MARF1: variants seen among roughly 807,000 people sequenced by gnomAD.
The protein encoded by MARF1 is meiosis regulator and mRNA stability factor 1.
Under a neutral mutation model 168.2 loss-of-function variants are expected in MARF1, and 24 were observed. The ratio of observed to expected loss-of-function variants is 0.14; its 90% CI spans 0.10 to 0.20. The LOEUF (loss-of-function observed/expected upper bound fraction) is 0.20, where lower values mean the gene tolerates loss of function less well. MARF1 is among the 10% of genes least tolerant of loss of function. The probability of loss-of-function intolerance (pLI) is 1.00; values close to 1 mark genes in which losing one functional copy is unlikely to be tolerated. For missense variants in MARF1, 1,744 were observed against 2,143.6 expected (o/e 0.81, Z 3.68); for synonymous variants, 868 against 822.4 (o/e 1.06, Z -0.95).
intron 7 of MARF1, among the ~76,000 whole-genome samples, chr16:15,626,172 CTA>C (rs562465266): frequency 3.6e-4 from 55 of 152,228 alleles, no homozygotes; most frequent in African/African-American, 1.3e-3. Flanking sequence ...GGTCTGTATA[CTA>C]TATGATTCCA....
intron 1 of MARF1, among the ~76,000 whole-genome samples, chr16:15,641,419 G>A (rs1448125471): frequency 6.6e-6 from 1 of 152,192 alleles, no homozygotes; most frequent in Non-Finnish European, 1.5e-5. Context: ...AAGAATCTGT[G>A]ATATTCACAG....
intron 26 of MARF1, 126 bp downstream of exon 26, chr16:15,598,728 G>C: frequency 1.1e-6 from 1 of 932,914 alleles, no homozygotes; most frequent in South Asian, 1.6e-5. Context: ...CGAATAATCA[G>C]CACAGTGTTT....
intron 1 of MARF1, 85 bp downstream of exon 1, chr16:15,642,933 G>A (rs1338690626): frequency 1.1e-5 from 2 of 187,004 alleles, no homozygotes; most frequent in East Asian, 1.9e-4. Context: ...GGCGGGGAAA[G>A]AGGGGACACT....
chr16:15,614,213 T>C (rs2033841088), intron 16 of MARF1, among the ~76,000 whole-genome samples: 1 of 152,166 alleles, frequency 6.6e-6, no homozygotes, highest in East Asian at 1.9e-4. Context: ...CCAGGTGCGG[T>C]GGCTCACGTC....
intron 20 of MARF1, among the ~76,000 whole-genome samples, chr16:15,609,073 T>C (rs1015992477): frequency 1.3e-5 from 2 of 152,142 alleles, no homozygotes; most frequent in African/African-American, 4.8e-5. Flanking sequence ...ACACCATCTC[T>C]ACTAAAAATA....
In MARF1 at chr16:15,635,741, T is replaced by C. The variant is rs764544538; in HGVS notation, c.746A>G (p.His249Arg). ...EHISQSELTP[H>R]LCTNSLHLNV... is the part of the protein sequence containing the mutation. Reference sequence around the variant, plus strand: ...AAGGTGCAAAGAGTTGGTGCACAAGTGAGGCGTTAGCTCCGACTGTGAAAT... The same window carrying C: ...AAGGTGCAAAGAGTTGGTGCACAAGCGAGGCGTTAGCTCCGACTGTGAAAT... The change falls in exon 3 of 27, where the codon CAC (histidine) becomes CGC (arginine). Residue 249 changes from histidine to arginine, a missense_variant. His to Arg is a conservative substitution (Grantham distance 29). Transcript: ENST00000396368. 9 of 1,614,198 alleles carry C rather than the reference T, an allele frequency of 5.6e-6. No homozygotes were observed. The highest frequency in any genetic ancestry group is 7.6e-6 in the Non-Finnish European group (9 of 1,180,044).
At chr16:15,617,262 G>C in intron 14 of MARF1, 37 bp downstream of exon 14, 2 of 1,609,884 alleles carry the variant, frequency 1.2e-6, no homozygotes, top group Non-Finnish European at 1.7e-6. Flanking sequence ...CAATCTTATA[G>C]AAAAGAATTA....
At position 15,610,971 on chromosome 16, in the gene MARF1, A is replaced by G. The variant is rs369611948; in HGVS notation, c.3751+4T>C. ...ATCCTTCCAGCAAATGTTAAGTCAC[A>G]TACCTCTTTTGGGGATACAAATCAC... On this transcript the variant is annotated splice_donor_region_variant and intron_variant, in intron 19 of 26. Coordinates refer to ENST00000396368, the MANE Select transcript of MARF1 (RefSeq NM_014647.4). The G allele has an allele frequency of 7.0e-5, 113 of 1,613,102 alleles. No homozygotes were observed. The highest frequency in any genetic ancestry group is 9.4e-5 in the Non-Finnish European group (111 of 1,179,352).
Position 15,608,305 on chromosome 16 carries a change from A to G in MARF1, c.4168T>C (p.Cys1390Arg). The G allele has an allele frequency of 2.1e-6, 3 of 1,450,020 alleles. No individual in the cohort carries two copies. Among genetic ancestry groups the G allele is most frequent in the Non-Finnish European group, 1.9e-6 (2 of 1,033,530 alleles). The allele number at this position is 1,450,020 out of a possible 1,614,324, so 89.8% of individuals were successfully genotyped here. The part of the protein sequence containing the change: ...SSISALTQKL[C>R]HVVKVADIES... ...AAAACATTTACCTTCACGACATGGC[A>G]GAGTTTCTGAGTTAAAGCCGAAATG... The change falls in exon 21 of 27, where the codon TGC (cysteine) becomes CGC (arginine). Residue 1390 changes from cysteine (C) to arginine (R), a missense_variant. Coordinates refer to ENST00000396368, the MANE Select transcript of MARF1 (RefSeq NM_014647.4).
chr16:15,604,543 G>A (rs1031458637), intron 21 of MARF1, 145 bp from the exon 22 acceptor site: 3 of 625,926 alleles, frequency 4.8e-6, no homozygotes, highest in African/African-American at 3.7e-5. Context: ...TAAAGCAAGT[G>A]GGTTTGTTTT....
At chr16:15,629,443 C>G (rs1035098405) in intron 7 of MARF1, among the ~76,000 whole-genome samples, 12 of 152,180 alleles carry the variant, frequency 7.9e-5, no homozygotes, top group African/African-American at 2.9e-4. Flanking sequence ...GGGGCCCACT[C>G]TCTTAACTGC....
At chr16:15,601,100 T>C in intron 23 of MARF1, 1 of 473,320 alleles carries the variant, frequency 2.1e-6, no homozygotes, top group Non-Finnish European at 4.2e-6. Flanking sequence ...CTAAGTTCAT[T>C]ATCAGCATCT....
At chr16:15,620,839 T>G (rs1057441319) in intron 12 of MARF1, among the ~76,000 whole-genome samples, 2 of 152,190 alleles carry the variant, frequency 1.3e-5, no homozygotes, top group African/African-American at 4.8e-5. Flanking sequence ...TGCAGTTTGT[T>G]AGATATATGT....
rs2035475096 is a variant in MARF1, at chr16:15,634,774, T to G, written c.989A>C (p.Lys330Thr). 6.2e-7 allele frequency: 1 copy of G among 1,610,844 alleles called. No homozygotes were observed. Among genetic ancestry groups the G allele is most frequent in the Non-Finnish European group, 8.5e-7 (1 of 1,179,104 alleles). ...TTLLLATSLG[K>T]AASKFGSPEV... The stretch of plus-strand genomic sequence containing the variant: ...TCATTTACCAAATTTTGAAGCAGCT[T>G]TGCCTAGACTGGTCGCCAATAACAA... Residue 330 changes from lysine to threonine, a missense_variant, in exon 4 of 27, where the codon AAA becomes ACA. This residue lies in a region of MARF1 where 217 missense variants were observed against 372.4 expected (regional missense o/e 0.58). Transcript: ENST00000396368.
chr16:15,599,911 GA>G (rs2032232408), intron 25 of MARF1, among the ~76,000 whole-genome samples: 1 of 152,158 alleles, frequency 6.6e-6, no homozygotes, highest in South Asian at 2.1e-4. Context: ...GCTCGCTCTA[GA>G]GTCTTAGCTT....
chr16:15,628,044 C>T (rs1352713202), intron 7 of MARF1, among the ~76,000 whole-genome samples: 3 of 152,102 alleles, frequency 2.0e-5, no homozygotes, highest in African/African-American at 7.2e-5. Context: ...AAAAACAAAA[C>T]AAAACACAAA....
chr16:15,639,888 C>G (rs1442935101), intron 1 of MARF1, among the ~76,000 whole-genome samples: 1 of 152,164 alleles, frequency 6.6e-6, no homozygotes, highest in Non-Finnish European at 1.5e-5. Context: ...TGTTTCATAG[C>G]TCTTCAAATA....
At chr16:15,623,604 T>A (rs987143817) in intron 10 of MARF1, among the ~76,000 whole-genome samples, 2 of 152,086 alleles carry the variant, frequency 1.3e-5, no homozygotes, top group African/African-American at 2.4e-5. Flanking sequence ...TAAATACACA[T>A]TGATTTCAGA....
chr16:15,635,433 A>AAG (rs1389447884), intron 3 of MARF1: 1 of 546,314 alleles, frequency 1.8e-6, no homozygotes, highest in Non-Finnish European at 3.2e-6. Context: ...GAGGCTCTAA[A>AAG]AGTATAAACT....
Sources: allele counts gnomAD v4.1 joint callset (sites outside exome capture counted in the v4.1 genomes callset), GRCh38; gene constraint gnomAD v4.1.1; regional missense constraint gnomAD v4.1.1; transcripts MANE v1.5; gene names NCBI Gene and HGNC (gene_info 2026-07-23, HGNC 2026-07-21).